Variants in PDXDC1 observed in about 807,000 individuals in gnomAD.
PDXDC1 encodes pyridoxal dependent decarboxylase domain containing 1.
PDXDC1 carries 42 observed loss-of-function variants against 100.1 expected under a neutral mutation model. The ratio of observed to expected loss-of-function variants is 0.42; its 90% CI spans 0.33 to 0.54. The LOEUF (loss-of-function observed/expected upper bound fraction) is 0.54. PDXDC1 is among the 20% of genes least tolerant of loss of function. PDXDC1 has a pLI of 0.10. For missense variants in PDXDC1, 636 were observed against 979.2 expected (o/e 0.65, Z 4.68); for synonymous variants, 260 against 371.7 (o/e 0.70, Z 3.46).
At chr16:14,977,802 T>C (rs1967038060) in intron 1 of PDXDC1, among the ~76,000 whole-genome samples, 1 of 152,284 alleles carries the variant, frequency 6.6e-6, no homozygotes, top group South Asian at 2.1e-4. Flanking sequence ...ACATTGTTAA[T>C]ATAAACTCAA....
At position 15,106,750 on chromosome 16, in the gene PDXDC1, A is replaced by C. The variant is rs1425546866; in HGVS notation, c.1400-32129A>C. ...AGCCTGGGTGACACAGCAAGACTCC[A>C]TCTCAGAAAAACAAAAACAAAAACA... On this transcript the variant is annotated intron_variant, in intron 16 of 16. Transcript: ENST00000535621. Among the ~76,000 whole-genome samples, 35 of 91,858 alleles carry C rather than the reference A, an allele frequency of 3.8e-4. 5 individuals are homozygous for C. Among genetic ancestry groups the C allele is most frequent in the African/African-American group, 9.6e-4 (35 of 36,582 alleles). The allele number at this position is 91,858 out of a possible 152,430, so 60.3% of individuals were successfully genotyped here. A position where few individuals can be genotyped will look rare whatever the true frequency, so the allele number is the denominator to read the frequency against.
intron 16 of PDXDC1, chr16:15,061,919 A>G (rs2044729818): frequency 6.2e-7 from 1 of 1,601,902 alleles, no homozygotes; most frequent in Non-Finnish European, 8.6e-7. Flanking sequence ...CAGAAACATC[A>G]GAAATCATCA....
chr16:15,031,096 G>A (rs1007041240), intron 16 of PDXDC1, among the ~76,000 whole-genome samples: 3 of 148,756 alleles, frequency 2.0e-5, no homozygotes, highest in Non-Finnish European at 3.0e-5. Flanking sequence ...GACTACAGGC[G>A]AGCACCACCA....
At chr16:15,109,071 A>G (rs1350765694) in intron 16 of PDXDC1, 1 of 136,310 alleles carries the variant, frequency 7.3e-6, no homozygotes, top group African/African-American at 2.6e-5. Context: ...GTAGACTCCC[A>G]TCTCTTCTGC....
rs550274982 is a variant in PDXDC1 at position 15,104,479 on chromosome 16, G to A, written c.1400-34400G>A. The A allele has an allele frequency of 5.4e-4, 501 of 919,648 alleles. 9 individuals are homozygous for A. In the African/African-American group the frequency reaches 8.9e-3, roughly 16 times the overall value. The allele number at this position is 919,648 out of a possible 1,614,324, so 57.0% of individuals were successfully genotyped here. On this transcript the variant is annotated intron_variant, in intron 16 of 16. Coordinates refer to the PDXDC1 transcript ENST00000535621. Reference sequence around the variant, plus strand: ...GGGGAGTGAGCAGACACACTCGGGAGGTGTCTTGAGATTATCATCCGCTGA... The same window carrying A: ...GGGGAGTGAGCAGACACACTCGGGAAGTGTCTTGAGATTATCATCCGCTGA...
intron 13 of PDXDC1, chr16:15,025,853 T>C (rs1345198075): frequency 6.6e-6 from 1 of 152,478 alleles, no homozygotes. Context: ...GGTATACTGT[T>C]TGATGCAAAA....
At chr16:15,151,424 CAAAAAAA>C in the PDXDC1 span, among the ~76,000 whole-genome samples, 14 of 14,434 alleles carry the variant, frequency 9.7e-4, no homozygotes, top group African/African-American at 2.5e-3. Flanking sequence ...GACTCCGTCT[CAAAAAAA>C]AAAAAAAAAA....
chr16:15,148,702 T>A, the PDXDC1 span, among the ~76,000 whole-genome samples: 4 of 151,604 alleles, frequency 2.6e-5, no homozygotes, highest in Non-Finnish European at 5.9e-5. Context: ...GGGGTCCCTG[T>A]CTGTTGTTGA....
Position 15,101,909 on chromosome 16 carries a change from C to T in PDXDC1, c.1400-36970C>T, listed in dbSNP as rs1439781106. Reference sequence around the variant, plus strand: ...TGTTGCTCAGGCTGGACTGCAATGGCGTGATCTTGGCTCACCGCAACCTCC... The same window carrying T: ...TGTTGCTCAGGCTGGACTGCAATGGTGTGATCTTGGCTCACCGCAACCTCC... On this transcript the variant is annotated intron_variant, in intron 16 of 16. Transcript: ENST00000535621. 4.6e-5 allele frequency among the ~76,000 whole-genome samples: 7 copies of T among 151,908 alleles called. No homozygotes were observed. In the South Asian group the frequency reaches 1.0e-3, roughly 23 times the overall value.
rs1435301499 is a variant in PDXDC1 at position 15,037,651 on chromosome 16, T to TGAATGTTGGTTTCAATAAA, written c.*1378_*1396dup. On this transcript the variant is annotated 3_prime_UTR_variant, in exon 23 of 23. Transcript: ENST00000396410. ...AACATTTCACCCTTGAGATATTATT[T>TGAATGTTGGTTTCAATAAA]GAATGTTGGTTTCAATAAAGGTTCT... 6.1e-6 allele frequency: 1 copy of TGAATGTTGGTTTCAATAAA among 163,898 alleles called. No homozygotes were observed. The highest frequency in any genetic ancestry group is 1.3e-5 in the Non-Finnish European group (1 of 76,314). 10.2% of individuals were successfully genotyped at this position (163,898 alleles called of 1,614,324 possible). A position where few individuals can be genotyped will look rare whatever the true frequency, so the allele number is the denominator to read the frequency against.
At chr16:15,038,464 C>G, downstream of PDXDC1, 1 of 678,346 alleles carries the variant, frequency 1.5e-6, no homozygotes, top group Non-Finnish European at 2.6e-6. Context: ...CAAAAAGTTA[C>G]TACCCGCCAA....
At chr16:14,999,308 C>A (rs1972655352) in intron 3 of PDXDC1, among the ~76,000 whole-genome samples, 1 of 152,262 alleles carries the variant, frequency 6.6e-6, no homozygotes, top group Admixed American at 6.5e-5. Context: ...CTCAGGTGAT[C>A]CGCCTGCCTT....
intron 16 of PDXDC1, among the ~76,000 whole-genome samples, chr16:15,128,620 C>T (rs1393109463): frequency 3.9e-5 from 6 of 151,950 alleles, no homozygotes; most frequent in African/African-American, 1.4e-4. Context: ...TAACTTGTGA[C>T]ATGCAAACAT....
intron 8 of PDXDC1, among the ~76,000 whole-genome samples, chr16:15,011,983 T>G (rs1282065092): frequency 6.6e-6 from 1 of 152,280 alleles, no homozygotes; most frequent in South Asian, 2.1e-4. Context: ...CCCAGTCCTG[T>G]CTTCTTTTAA....
chr16:15,132,019 G>GC (rs1160140745), intron 16 of PDXDC1, among the ~76,000 whole-genome samples: 84 of 12,268 alleles, frequency 6.8e-3, no homozygotes, highest in Non-Finnish European at 0.01. Context: ...GGGGGATAAG[G>GC]GGATAAGGGA....
At chr16:15,047,223 C>T (rs2044110267) in intron 16 of PDXDC1, 2 of 531,556 alleles carry the variant, frequency 3.8e-6, no homozygotes, top group African/African-American at 3.8e-5. Context: ...AGCCTTCCAT[C>T]TCAAATCCAG....
chr16:14,990,029 C>T lies in PDXDC1; in HGVS notation c.22-7724C>T, dbSNP rs1441552339. The stretch of plus-strand genomic sequence containing the variant: ...ACCAGGGAAGCAGGTGCAGGCCGCC[C>T]GCCGCCCGCTGCGCGCCGGACCCCC... On this transcript the variant is annotated intron_variant, in intron 1 of 22. Transcript: ENST00000396410. 76 of 1,475,494 alleles carry T rather than the reference C, an allele frequency of 5.2e-5. No individual in the cohort carries two copies. In the South Asian group the frequency reaches 5.8e-4, roughly 11 times the overall value. The allele number at this position is 1,475,494 out of a possible 1,614,324, so 91.4% of individuals were successfully genotyped here.
At chr16:14,995,075 G>A (rs1263104577) in intron 1 of PDXDC1, among the ~76,000 whole-genome samples, 2 of 152,294 alleles carry the variant, frequency 1.3e-5, no homozygotes, top group Non-Finnish European at 2.9e-5. Context: ...ATACAATCAT[G>A]TCATCTGCAA....
intron 16 of PDXDC1, chr16:15,104,403 TGGGAG>T: frequency 6.8e-7 from 1 of 1,481,298 alleles, no homozygotes; most frequent in Non-Finnish European, 9.1e-7. Context: ...CAGACACACT[TGGGAG>T]GTGTCTTGAG....
Sources: allele counts gnomAD v4.1 joint callset (sites outside exome capture counted in the v4.1 genomes callset), GRCh38; gene constraint gnomAD v4.1.1; transcripts MANE v1.5; gene names NCBI Gene and HGNC (gene_info 2026-07-23, HGNC 2026-07-21).